Variants in ABLIM2 observed in about 807,000 individuals in gnomAD.
The protein encoded by ABLIM2 is actin-binding LIM protein 2.
ABLIM2 carries 53 observed loss-of-function variants against 97.7 expected under a neutral mutation model. The observed-to-expected ratio is 0.54, with a 90% CI of 0.44 to 0.68. The LOEUF (loss-of-function observed/expected upper bound fraction) is 0.68, where lower values mean the gene tolerates loss of function less well. Ranked by LOEUF, ABLIM2 falls within the 30% of genes least tolerant of loss-of-function variation. The probability of loss-of-function intolerance (pLI) is 0.00; values close to 1 mark genes in which losing one functional copy is unlikely to be tolerated. For synonymous variants in ABLIM2, 361 were observed against 345.8 expected, an observed-to-expected ratio of 1.04 and a Z score of -0.49; for missense variants, 835 against 867.2, an observed-to-expected ratio of 0.96 and a Z score of 0.47.
At position 8,088,127 on chromosome 4, in the gene ABLIM2, GCATGCCCCCACTCAA is replaced by G. The variant is rs746568010; in HGVS notation, c.454+27_454+41del. The G allele has an allele frequency of 1.1e-5, 14 of 1,319,406 alleles. No homozygotes were observed. The East Asian group carries it at 1.8e-4, about 17-fold the overall frequency. The allele number at this position is 1,319,406 out of a possible 1,614,324, so 81.7% of individuals were successfully genotyped here. A position where few individuals can be genotyped will look rare whatever the true frequency, so the allele number is the denominator to read the frequency against. On this transcript the variant is annotated intron_variant, in intron 4 of 20. Transcript: ENST00000447017. Reference sequence around the variant, plus strand: ...CCACCCATTTAGCACCCCCCACTCAGCATGCCCCCACTCAACATGCCCCCACTCAGCGCCCACTTA... The same window carrying G: ...CCACCCATTTAGCACCCCCCACTCAGCATGCCCCCACTCAGCGCCCACTTA...
intron 1 of ABLIM2, among the ~76,000 whole-genome samples, chr4:8,116,711 T>C (rs899579267): frequency 6.6e-6 from 1 of 152,192 alleles, no homozygotes; most frequent in African/African-American, 2.4e-5. Context: ...GGATTGGATA[T>C]AGCACGAGGA....
chr4:7,992,804 A>AAACG lies in ABLIM2; in HGVS notation c.1680+58_1680+61dup. 6.4e-7 allele frequency: 1 copy of AAACG among 1,561,848 alleles called. No homozygotes were observed. The highest frequency in any genetic ancestry group is 8.8e-7 in the Non-Finnish European group (1 of 1,142,538). On this transcript the variant is annotated intron_variant, in intron 17 of 20. Coordinates refer to ENST00000447017, the MANE Select transcript of ABLIM2 (RefSeq NM_001130083.2). This position sits in a 1 kb window ranked among gnomAD's most constrained non-coding sequence, Gnocchi z 5.7. ...TGCTGTGTGGTCAAGAAGCTGTGGG[A>AAACG]AACGTGCTCAGCCTCACAGCAATCG... is the stretch of plus-strand genomic sequence containing the variant.
chr4:8,005,194 G>A lies in ABLIM2; in HGVS notation c.1618+2865C>T, dbSNP rs1007039001. The A allele has an allele frequency of 5.9e-5, 25 of 423,840 alleles. No homozygotes were observed. The highest frequency in any genetic ancestry group is 1.9e-4 in the South Asian group (11 of 57,314). The allele number at this position is 423,840 out of a possible 1,614,324, so 26.3% of individuals were successfully genotyped here. ...GCAGGCGGCGGCGGGATGCGTGTGCGCTCGCTCTGTCGGCGTCTCTGCCTC... is the reference window on the plus strand; with the variant it reads ...GCAGGCGGCGGCGGGATGCGTGTGCACTCGCTCTGTCGGCGTCTCTGCCTC... On this transcript the variant is annotated intron_variant, in intron 16 of 20. Coordinates refer to ENST00000447017, the MANE Select transcript of ABLIM2 (RefSeq NM_001130083.2). The surrounding 1 kb of genome is among the most constrained non-coding windows in gnomAD (Gnocchi z 4.9).
chr4:8,013,217 T>C (rs1459797581), intron 14 of ABLIM2, among the ~76,000 whole-genome samples: 2 of 139,474 alleles, frequency 1.4e-5, no homozygotes, highest in African/African-American at 5.4e-5. Flanking sequence ...TAAACATTTT[T>C]CCTTTTTTTT....
chr4:8,158,418 T>TTG (rs1458736153), intron 1 of ABLIM2, among the ~76,000 whole-genome samples: 3 of 152,006 alleles, frequency 2.0e-5, no homozygotes, highest in Admixed American at 2.0e-4. Flanking sequence ...AGGGGCGCCT[T>TTG]CCAGACATCC....
Position 8,032,711 on chromosome 4 carries a change from G to T in ABLIM2, c.1048-2935C>A, listed in dbSNP as rs1261327969. 8 of 1,612,050 alleles carry T rather than the reference G, an allele frequency of 5.0e-6. No homozygotes were observed. Among genetic ancestry groups the T allele is most frequent in the African/African-American group, 1.3e-5 (1 of 74,774 alleles). ...GACACAACACACAAAGTGGCCATTA[G>T]TGCTGGCGCCAGGCAGAGAGGGAGG... On this transcript the variant is annotated intron_variant, in intron 10 of 20. Transcript: ENST00000447017. This position sits in a 1 kb window ranked among gnomAD's most constrained non-coding sequence, Gnocchi z 4.3.
rs1190905435 is a variant in ABLIM2 at position 8,128,103 on chromosome 4, C to T, written c.11-21466G>A. ...ATAGGGAGCTCAGGCTGCCTCTTCC[C>T]GCTGCTGGTGGCTCCAGGCGCCCTT... On this transcript the variant is annotated intron_variant, in intron 1 of 20. Coordinates refer to ENST00000447017, the MANE Select transcript of ABLIM2 (RefSeq NM_001130083.2). The surrounding 1 kb of genome is among the most constrained non-coding windows in gnomAD (Gnocchi z 4.9). 6.6e-6 allele frequency among the ~76,000 whole-genome samples: 1 copy of T among 152,218 alleles called. No homozygotes were observed. The highest frequency in any genetic ancestry group is 1.5e-5 in the Non-Finnish European group (1 of 68,038).
chr4:8,021,251 T>A lies in ABLIM2; in HGVS notation c.1268-948A>T, dbSNP rs911409072. Among the ~76,000 whole-genome samples the A allele has an allele frequency of 6.6e-6, 1 of 152,110 alleles. No individual in the cohort carries two copies. The highest frequency in any genetic ancestry group is 6.5e-5 in the Admixed American group (1 of 15,278). ...GAGCTCACCTGGAACTATAATTCTG[T>A]TTTGCGAACAAGGTTGGATTATCAA... On this transcript the variant is annotated intron_variant, in intron 12 of 20. Coordinates refer to ENST00000447017, the MANE Select transcript of ABLIM2 (RefSeq NM_001130083.2). This position sits in a 1 kb window ranked among gnomAD's most constrained non-coding sequence, Gnocchi z 5.5.
At chr4:8,006,277 C>G (rs1013005026) in intron 16 of ABLIM2, among the ~76,000 whole-genome samples, 1 of 152,210 alleles carries the variant, frequency 6.6e-6, no homozygotes, top group African/African-American at 2.4e-5. Context: ...CCACACAGCA[C>G]CCCCCTCTCT....
intron 20 of ABLIM2, among the ~76,000 whole-genome samples, chr4:7,978,209 G>A (rs919585679): frequency 1.3e-5 from 2 of 152,136 alleles, no homozygotes; most frequent in Non-Finnish European, 2.9e-5. Context: ...CTCTCAGCCC[G>A]AGGCAGACAG....
At chr4:8,089,398 C>T (rs900854989) in intron 3 of ABLIM2, among the ~76,000 whole-genome samples, 1 of 152,188 alleles carries the variant, frequency 6.6e-6, no homozygotes, top group Non-Finnish European at 1.5e-5. Context: ...AGGTGCTTTT[C>T]AGGCAGAAGC....
chr4:7,990,127 C>T (rs1331327152), intron 17 of ABLIM2, among the ~76,000 whole-genome samples: 1 of 152,166 alleles, frequency 6.6e-6, no homozygotes, highest in African/African-American at 2.4e-5. Flanking sequence ...GTGAGGCCTA[C>T]ATCACTGACA....
Position 8,082,460 on chromosome 4 carries a change from T to C in ABLIM2, c.455-1658A>G, listed in dbSNP as rs1384140842. Among the ~76,000 whole-genome samples, 2 of 152,250 alleles carry C rather than the reference T, an allele frequency of 1.3e-5. No individual in the cohort carries two copies. Among genetic ancestry groups the C allele is most frequent in the Non-Finnish European group, 2.9e-5 (2 of 68,048 alleles). ...TCGGCGAGACCCCCTGTGGGCCTGCTGTGCGGTGAGAGCTCAGCAGAGGCT... is the reference window on the plus strand; with the variant it reads ...TCGGCGAGACCCCCTGTGGGCCTGCCGTGCGGTGAGAGCTCAGCAGAGGCT... On this transcript the variant is annotated intron_variant, in intron 4 of 20. Transcript: ENST00000447017. This position sits in a 1 kb window ranked among gnomAD's most constrained non-coding sequence, Gnocchi z 5.6.
At position 8,061,792 on chromosome 4, in the gene ABLIM2, G is replaced by A. The variant is rs139295589; in HGVS notation, c.676-738C>T. Among the ~76,000 whole-genome samples the A allele has an allele frequency of 6.6e-4, 100 of 152,156 alleles. No homozygotes were observed. The highest frequency in any genetic ancestry group is 1.9e-3 in the African/African-American group (79 of 41,504). On this transcript the variant is annotated intron_variant, in intron 6 of 20. Transcript: ENST00000447017. This position sits in a 1 kb window ranked among gnomAD's most constrained non-coding sequence, Gnocchi z 4.5. ...CCCGTGGCTCATTCTTTCCTAAAAC[G>A]GGAAGAAGTTTCCTAATCCCTACCT...
rs1810577417 is a variant in ABLIM2 at position 8,069,815 on chromosome 4, T to C, written c.675+7813A>G. On this transcript the variant is annotated intron_variant, in intron 6 of 20. Coordinates refer to ENST00000447017, the MANE Select transcript of ABLIM2 (RefSeq NM_001130083.2). This position sits in a 1 kb window ranked among gnomAD's most constrained non-coding sequence, Gnocchi z 4.2. ...CCGTGTGCTTGTGTGTCTCTATGTGTTGTCTGTGTGTACGTGTCTGTGGGT... is the reference window on the plus strand; with the variant it reads ...CCGTGTGCTTGTGTGTCTCTATGTGCTGTCTGTGTGTACGTGTCTGTGGGT... Among the ~76,000 whole-genome samples, 1 of 152,068 alleles carries C rather than the reference T, an allele frequency of 6.6e-6. No individual in the cohort carries two copies. The highest frequency in any genetic ancestry group is 1.5e-5 in the Non-Finnish European group (1 of 67,998).
At chr4:8,014,921 TTTC>T (rs1767746833) in intron 14 of ABLIM2, among the ~76,000 whole-genome samples, 1 of 139,182 alleles carries the variant, frequency 7.2e-6, no homozygotes, top group African/African-American at 2.8e-5. Flanking sequence ...CCTTCCTTTC[TTTC>T]TTTTTTTTTT....
At chr4:8,114,382 A>C (rs1282980010) in intron 1 of ABLIM2, among the ~76,000 whole-genome samples, 1 of 152,266 alleles carries the variant, frequency 6.6e-6, no homozygotes, top group East Asian at 1.9e-4. Flanking sequence ...TTGCATCCTC[A>C]TGGATCCTGC....
In ABLIM2 at chr4:8,106,562, T is replaced by G; in HGVS notation, c.86A>C (p.Asn29Thr). 6.2e-7 allele frequency: 1 copy of G among 1,609,990 alleles called. No homozygotes were observed. Among genetic ancestry groups the G allele is most frequent in the Non-Finnish European group, 8.5e-7 (1 of 1,178,512 alleles). ...STAILCNTCG[N>T]VCKGEVLRVQ... ...CCGCAGCACCTCGCCCTTGCACACA[T>G]TCCCACACGTGTTGCACAGGATCGC... Residue 29 changes from asparagine to threonine, a missense_variant, in exon 2 of 21, where the codon AAT becomes ACT. Transcript: ENST00000447017.
At chr4:8,045,325 C>A in intron 8 of ABLIM2, 84 bp from the exon 9 acceptor site, 4 of 1,206,934 alleles carry the variant, frequency 3.3e-6, no homozygotes, top group Non-Finnish European at 4.9e-6. Context: ...TCCACTCCAG[C>A]AGCCACGCCA....
Sources: allele counts gnomAD v4.1 joint callset (sites outside exome capture counted in the v4.1 genomes callset), GRCh38; gene constraint gnomAD v4.1.1; non-coding constraint Gnocchi (gnomAD v3.1); transcripts MANE v1.5; gene names NCBI Gene and HGNC (gene_info 2026-07-23, HGNC 2026-07-21).